UBE2T: variants seen among roughly 807,000 people sequenced by gnomAD.
UBE2T encodes the protein ubiquitin-conjugating enzyme E2 T.
In UBE2T, 15 loss-of-function variants were observed where a neutral mutation model predicts 23.3. The ratio of observed to expected loss-of-function variants is 0.64; its 90% CI spans 0.43 to 0.99. The LOEUF (loss-of-function observed/expected upper bound fraction) is 0.99, where lower values mean the gene tolerates loss of function less well. Among genes scored for constraint, UBE2T ranks in the 50% least tolerant of loss-of-function variants. The pLI is 0.00. For missense variants in UBE2T, 197 were observed against 234.9 expected, an observed-to-expected ratio of 0.84 and a Z score of 1.05; for synonymous variants, 67 against 78.4, an observed-to-expected ratio of 0.85 and a Z score of 0.77.
rs1654860074 is a variant in UBE2T, at chr1:202,335,491, C to T, written c.109+155G>A. ...AAAGAAGCAAGAAATGTCAAGCAAA[C>T]CTTTTATAAATGTAAACAAATTTGG... On this transcript the variant is annotated intron_variant, in intron 2 of 6. Coordinates refer to ENST00000646651, the MANE Select transcript of UBE2T (RefSeq NM_014176.4). This position sits in a 1 kb window ranked among gnomAD's most constrained non-coding sequence, Gnocchi z 4.0. 3 of 687,412 alleles carry T rather than the reference C, an allele frequency of 4.4e-6. No homozygotes were observed. In the Admixed American group the frequency reaches 8.7e-5, roughly 20 times the overall value. 42.6% of individuals were successfully genotyped at this position (687,412 alleles called of 1,614,324 possible). A position where few individuals can be genotyped will look rare whatever the true frequency, so the allele number is the denominator to read the frequency against.
At position 202,333,071 on chromosome 1, in the gene UBE2T, T is replaced by C; in HGVS notation, c.407A>G (p.Lys136Arg). The C allele has an allele frequency of 6.2e-7, 1 of 1,613,940 alleles. No homozygotes were observed. The highest frequency in any genetic ancestry group is 8.5e-7 in the Non-Finnish European group (1 of 1,179,912). The change falls in exon 6 of 7, where the codon AAG becomes AGG. Residue 136 changes from lysine (K) to arginine (R), a missense_variant. Lys to Arg is a conservative substitution (Grantham distance 26, BLOSUM62 2). Transcript: ENST00000646651. ...ADISSEFKYN[K>R]PAFLKNARQW... ...TCTGGCATTCTTGAGGAAGGCTGGC[T>C]TATTATATTTAAATTCTGAGGACTG... is the stretch of plus-strand genomic sequence containing the variant.
rs35528865 is a variant in UBE2T at position 202,339,077 on chromosome 1, C to CTT, written c.-65+2816_-65+2817dup. Among the ~76,000 whole-genome samples the CTT allele has an allele frequency of 7.3e-3, 791 of 107,782 alleles. 26 individuals carry two copies. The highest frequency in any genetic ancestry group is 0.024 in the African/African-American group (643 of 26,482). 70.7% of individuals were successfully genotyped at this position (107,782 alleles called of 152,430 possible). A position where few individuals can be genotyped will look rare whatever the true frequency, so the allele number is the denominator to read the frequency against. ...AAAATGAGTTAGGGAGTATTGCCTCCTTTTTTTTTTTTTTTTTTTTTTTAA... is the reference window on the plus strand; with the variant it reads ...AAAATGAGTTAGGGAGTATTGCCTCCTTTTTTTTTTTTTTTTTTTTTTTTTAA... On this transcript the variant is annotated intron_variant, in intron 1 of 6. Coordinates refer to ENST00000646651, the MANE Select transcript of UBE2T (RefSeq NM_014176.4).
chr1:202,339,583 G>A (rs1312331308), intron 1 of UBE2T, among the ~76,000 whole-genome samples: 1 of 116,006 alleles, frequency 8.6e-6, no homozygotes, highest in African/African-American at 3.3e-5. Context: ...CTGGGCGATA[G>A]ATTAGGACTC....
rs563704024 is a variant in UBE2T, at chr1:202,331,694, GA to G, written c.*140del. 3.4e-3 allele frequency: 3,666 copies of G among 1,065,082 alleles called. 6 individuals carry two copies. Among genetic ancestry groups the G allele is most frequent in the Non-Finnish European group, 4.2e-3 (3,137 of 745,526 alleles). 66.0% of individuals were successfully genotyped at this position (1,065,082 alleles called of 1,614,324 possible). ...GACTATTTATTTTTCAGGTTTAAAA[GA>G]TTTCAAAATACATATGTACAAGATA... On this transcript the variant is annotated 3_prime_UTR_variant, in exon 7 of 7. Transcript: ENST00000646651.
intron 1 of UBE2T, among the ~76,000 whole-genome samples, chr1:202,340,657 T>C (rs531942276): frequency 1.8e-4 from 27 of 152,376 alleles, no homozygotes; most frequent in African/African-American, 6.3e-4. Context: ...TTTGGTGGAT[T>C]TGGGATCTGC....
chr1:202,332,339 C>T (rs761411919), intron 6 of UBE2T, among the ~76,000 whole-genome samples: 1 of 152,090 alleles, frequency 6.6e-6, no homozygotes. Context: ...TGCAACTAGT[C>T]CCTGCAAATA....
intron 6 of UBE2T, among the ~76,000 whole-genome samples, chr1:202,332,636 C>T (rs1286099860): frequency 3.3e-5 from 5 of 152,026 alleles, no homozygotes; most frequent in African/African-American, 9.7e-5. Context: ...AGGCCGGGCG[C>T]GGTGGCTCAC....
intron 6 of UBE2T, 82 bp downstream of exon 6, chr1:202,332,928 A>AAAAAAAAAAAAAAAC (rs1654791986): frequency 2.2e-6 from 1 of 456,850 alleles, no homozygotes; most frequent in African/African-American, 2.3e-5. Context: ...AAAAAAAAAA[A>AAAAAAAAAAAAAAAC]AAAAAAAAAA....
At chr1:202,336,583 C>T (rs774608860) in intron 1 of UBE2T, among the ~76,000 whole-genome samples, 2 of 151,960 alleles carry the variant, frequency 1.3e-5, no homozygotes, top group Non-Finnish European at 2.9e-5. Context: ...CTCATGAGGC[C>T]AGGCCTGGGT....
intron 1 of UBE2T, among the ~76,000 whole-genome samples, chr1:202,337,024 A>G (rs1177441563): frequency 6.6e-6 from 1 of 152,030 alleles, no homozygotes; most frequent in Non-Finnish European, 1.5e-5. Flanking sequence ...GCTCACTGCA[A>G]CCTCAGCCTT....
intron 1 of UBE2T, among the ~76,000 whole-genome samples, chr1:202,340,943 CGCCTTATATCCA>C (rs1177017504): frequency 1.3e-5 from 2 of 152,208 alleles, no homozygotes; most frequent in Admixed American, 1.3e-4. Flanking sequence ...CCTTATATCC[CGCCTTATATCCA>C]GTATCTACTC....
chr1:202,335,906 G>A lies in UBE2T; in HGVS notation c.-64-88C>T, dbSNP rs1401400863. On this transcript the variant is annotated intron_variant, in intron 1 of 6. Coordinates refer to ENST00000646651, the MANE Select transcript of UBE2T (RefSeq NM_014176.4). This position sits in a 1 kb window ranked among gnomAD's most constrained non-coding sequence, Gnocchi z 4.0. ...ACAGCTTCAATGTAGTGAGGGTGGG[G>A]GACAGAGTCCTCTTTTTTGTTTTGA... is the stretch of plus-strand genomic sequence containing the variant. The A allele has an allele frequency of 1.6e-5, 10 of 621,752 alleles. No homozygotes were observed. In the East Asian group the frequency reaches 2.5e-4, roughly 16 times the overall value. 38.5% of individuals were successfully genotyped at this position (621,752 alleles called of 1,614,324 possible).
At position 202,335,679 on chromosome 1, in the gene UBE2T, G is replaced by C. The variant is rs753589139; in HGVS notation, c.76C>G (p.Gln26Glu). 1.2e-6 allele frequency: 2 copies of C among 1,613,936 alleles called. No individual in the cohort carries two copies. The highest frequency in any genetic ancestry group is 1.7e-6 in the Non-Finnish European group (2 of 1,180,000). ...AGGTCATCCATTTGGTCTTTATCTT[G>C]CCAACATGTGATGCCTGGGGGTGGC... Reference protein sequence around the residue: ...TEPPPGITCWQDKDQMDDLRA... With the variant: ...TEPPPGITCWEDKDQMDDLRA... The change falls in exon 2 of 7, where the codon CAA (glutamine) becomes GAA (glutamate). Residue 26 changes from glutamine (Q) to glutamate (E), a missense_variant. Physicochemically the swap from Gln to Glu is conservative, Grantham distance 29 (BLOSUM62 2). Transcript: ENST00000646651. The surrounding 1 kb of genome is among the most constrained non-coding windows in gnomAD (Gnocchi z 4.0).
chr1:202,335,135 C>T lies in UBE2T; in HGVS notation c.110-77G>A. ...TACTACCATATGGAGCTAATGAGGTCTATGGTCCTAATAGAGAAACTAGGC... is the reference window on the plus strand; with the variant it reads ...TACTACCATATGGAGCTAATGAGGTTTATGGTCCTAATAGAGAAACTAGGC... On this transcript the variant is annotated intron_variant, in intron 2 of 6. Coordinates refer to ENST00000646651, the MANE Select transcript of UBE2T (RefSeq NM_014176.4). This position sits in a 1 kb window ranked among gnomAD's most constrained non-coding sequence, Gnocchi z 4.0. The T allele has an allele frequency of 8.1e-7, 1 of 1,230,390 alleles. No homozygotes were observed. Among genetic ancestry groups the T allele is most frequent in the Non-Finnish European group, 1.2e-6 (1 of 867,624 alleles). 76.2% of individuals were successfully genotyped at this position (1,230,390 alleles called of 1,614,324 possible).
chr1:202,337,905 CATAA>C (rs1654921191), intron 1 of UBE2T, among the ~76,000 whole-genome samples: 2 of 151,966 alleles, frequency 1.3e-5, no homozygotes, highest in Non-Finnish European at 2.9e-5. Context: ...TTCATAAGTC[CATAA>C]ATATATACAT....
chr1:202,338,883 C>CA lies in UBE2T; in HGVS notation c.-65+3011dup, dbSNP rs1175610097. ...AGTGAGACCCTGTCTAAACAACAGC[C>CA]AAAAAAAAAAAAGAAAAAAGAAAGA... On this transcript the variant is annotated intron_variant, in intron 1 of 6. Coordinates refer to ENST00000646651, the MANE Select transcript of UBE2T (RefSeq NM_014176.4). Among the ~76,000 whole-genome samples the CA allele has an allele frequency of 9.9e-3, 1,116 of 112,680 alleles. 6 individuals carry two copies. The highest frequency in any genetic ancestry group is 0.015 in the Non-Finnish European group (814 of 52,890). The allele number at this position is 112,680 out of a possible 152,430, so 73.9% of individuals were successfully genotyped here.
At position 202,338,817 on chromosome 1, in the gene UBE2T, T is replaced by A. The variant is rs1300797807; in HGVS notation, c.-64-2999A>T. On this transcript the variant is annotated intron_variant, in intron 1 of 6. Coordinates refer to ENST00000646651, the MANE Select transcript of UBE2T (RefSeq NM_014176.4). ...GAGCCCGGGGAGACTGAGGCTGTAGTGAGCCATGATTGTGCCACTGCACTC... is the reference window on the plus strand; with the variant it reads ...GAGCCCGGGGAGACTGAGGCTGTAGAGAGCCATGATTGTGCCACTGCACTC... Among the ~76,000 whole-genome samples the A allele has an allele frequency of 2.0e-5, 3 of 151,106 alleles. No homozygotes were observed. In the East Asian group the frequency reaches 5.8e-4, roughly 29 times the overall value.
At chr1:202,336,929 A>G (rs1654898322) in intron 1 of UBE2T, among the ~76,000 whole-genome samples, 1 of 152,090 alleles carries the variant, frequency 6.6e-6, no homozygotes, top group South Asian at 2.1e-4. Flanking sequence ...CTCTTTACTA[A>G]CCAAGCAAAG....
chr1:202,338,813 G>A (rs1654938704), intron 1 of UBE2T, among the ~76,000 whole-genome samples: 2 of 151,782 alleles, frequency 1.3e-5, no homozygotes, highest in Admixed American at 1.3e-4. Flanking sequence ...GACTGAGGCT[G>A]TAGTGAGCCA....
Sources: gnomAD v4.1 joint callset for allele counts (sites outside exome capture counted in the v4.1 genomes callset) on GRCh38, gnomAD v4.1.1 for gene constraint, Gnocchi (gnomAD v3.1) non-coding constraint, MANE v1.5 for transcripts, NCBI Gene and HGNC (gene_info 2026-07-23, HGNC 2026-07-21) for gene names.